Variants in SNX13 observed in about 807,000 individuals in gnomAD.
The protein encoded by SNX13 is sorting nexin-13.
In SNX13, 45 loss-of-function variants were observed where a neutral mutation model predicts 133.6. The ratio of observed to expected loss-of-function variants is 0.34; its 90% confidence interval spans 0.27 to 0.43. The LOEUF is 0.43. Among genes scored for constraint, SNX13 ranks in the 20% least tolerant of loss-of-function variants. The pLI is 1.00. For synonymous variants in SNX13, 414 were observed against 373.9 expected (o/e 1.11, Z -1.24); for missense variants, 1,032 against 1,145.1 (o/e 0.90, Z 1.43).
At chr7:17,811,631 G>A (rs1786036604) in intron 20 of SNX13, among the ~76,000 whole-genome samples, 2 of 152,096 alleles carry the variant, frequency 1.3e-5, no homozygotes, top group Non-Finnish European at 2.9e-5. Flanking sequence ...TTTCTTCACA[G>A]AATTAGAAAA....
rs552097652 is a variant in SNX13 at position 17,853,098 on chromosome 7, T to G, written c.838-2134A>C. Among the ~76,000 whole-genome samples, 16 of 152,228 alleles carry G rather than the reference T, an allele frequency of 1.1e-4. No homozygotes were observed. The South Asian group carries it at 3.3e-3, about 32-fold the overall frequency. On this transcript the variant is annotated intron_variant, in intron 9 of 25. Coordinates refer to ENST00000428135, the MANE Select transcript of SNX13 (RefSeq NM_015132.5). ...AACATAACAGGAAAAATTTAATGAT[T>G]GCAAGGCAAGAATAAGGGCACAAAT...
intron 7 of SNX13, among the ~76,000 whole-genome samples, chr7:17,875,007 A>C (rs1484701793): frequency 6.6e-6 from 1 of 151,748 alleles, no homozygotes; most frequent in Non-Finnish European, 1.5e-5. Context: ...TAGATTGATA[A>C]TTTCTTTTCT....
intron 20 of SNX13, among the ~76,000 whole-genome samples, chr7:17,812,316 C>A (rs1026606288): frequency 7.2e-5 from 11 of 152,062 alleles, no homozygotes; most frequent in Non-Finnish European, 8.8e-5. Flanking sequence ...AAAAAAACAA[C>A]CCCATCAGAA....
At chr7:17,843,201 C>A (rs1478429815) in intron 12 of SNX13, among the ~76,000 whole-genome samples, 2 of 151,562 alleles carry the variant, frequency 1.3e-5, no homozygotes, top group African/African-American at 2.4e-5. Context: ...ACTTTAGATA[C>A]AAAGACATAA....
At chr7:17,839,311 TTCTA>T (rs1270877023) in intron 13 of SNX13, among the ~76,000 whole-genome samples, 6 of 151,308 alleles carry the variant, frequency 4.0e-5, no homozygotes, top group East Asian at 3.9e-4. Flanking sequence ...CTTGATGTTT[TTCTA>T]TCTAATTGTT....
chr7:17,822,288 G>C (rs1389861913), intron 17 of SNX13, among the ~76,000 whole-genome samples: 1 of 151,320 alleles, frequency 6.6e-6, no homozygotes, highest in Non-Finnish European at 1.5e-5. Flanking sequence ...TTCCTATTTT[G>C]TACTAATCTT....
chr7:17,876,021 T>C (rs1462188250), intron 5 of SNX13, among the ~76,000 whole-genome samples: 2 of 152,238 alleles, frequency 1.3e-5, no homozygotes, highest in Non-Finnish European at 2.9e-5. Context: ...TGCCAAAGCT[T>C]AAAACTACTA....
In SNX13 at chr7:17,930,808, C is replaced by T. The variant is rs1376807641; in HGVS notation, c.12+9476G>A. Among the ~76,000 whole-genome samples the T allele has an allele frequency of 4.6e-5, 7 of 152,234 alleles. No homozygotes were observed. The South Asian group carries it at 1.0e-3, about 23-fold the overall frequency. The stretch of plus-strand genomic sequence containing the variant: ...AGTGGCGGGGAGTGGGCTTTTCCAC[C>T]TGAGCTCAGCCTCCTGTCAGATCAG... On this transcript the variant is annotated intron_variant, in intron 1 of 25. Coordinates refer to ENST00000428135, the MANE Select transcript of SNX13 (RefSeq NM_015132.5).
chr7:17,929,179 GCAT>G (rs1801114707), intron 1 of SNX13, among the ~76,000 whole-genome samples: 1 of 151,834 alleles, frequency 6.6e-6, no homozygotes, highest in Admixed American at 6.6e-5. Flanking sequence ...AATACACAAA[GCAT>G]CAGTGACAAG....
chr7:17,851,046 G>T, intron 9 of SNX13, 82 bp from the exon 10 acceptor site: 1 of 1,405,536 alleles, frequency 7.1e-7, no homozygotes, highest in Non-Finnish European at 9.6e-7. Context: ...CCTACTATGT[G>T]CTAGGACAAT....
At chr7:17,918,095 A>T (rs1161355286) in intron 1 of SNX13, among the ~76,000 whole-genome samples, 1 of 152,198 alleles carries the variant, frequency 6.6e-6, no homozygotes, top group Non-Finnish European at 1.5e-5. Context: ...AAAACTGGTT[A>T]ACCTCATACA....
intron 18 of SNX13, among the ~76,000 whole-genome samples, chr7:17,817,147 C>G (rs145730012): frequency 4.5e-4 from 69 of 152,286 alleles, no homozygotes; most frequent in African/African-American, 1.6e-3. Flanking sequence ...AAATCACAAG[C>G]ACAAAGTAAA....
At chr7:17,806,870 C>T (rs1383908055) in intron 20 of SNX13, among the ~76,000 whole-genome samples, 1 of 152,154 alleles carries the variant, frequency 6.6e-6, no homozygotes, top group Non-Finnish European at 1.5e-5. Context: ...GAACTCCTTC[C>T]CTAGCCAAGG....
intron 9 of SNX13, among the ~76,000 whole-genome samples, chr7:17,863,291 T>C (rs1307917781): frequency 2.6e-5 from 4 of 152,164 alleles, no homozygotes; most frequent in African/African-American, 9.7e-5. Flanking sequence ...TGGTGCTACA[T>C]ACACTCTTCT....
chr7:17,845,759 T>A (rs1437338984), intron 11 of SNX13, 65 bp from the exon 12 acceptor site: 16 of 1,124,940 alleles, frequency 1.4e-5, no homozygotes, highest in Non-Finnish European at 2.0e-5. Flanking sequence ...GATGTGTACA[T>A]AAATATAAGG....
At chr7:17,829,153 G>T (rs1226192227) in intron 16 of SNX13, among the ~76,000 whole-genome samples, 2 of 151,602 alleles carry the variant, frequency 1.3e-5, no homozygotes, top group East Asian at 3.9e-4. Flanking sequence ...TGGTAGTACA[G>T]CTAACACCTA....
At chr7:17,912,180 G>A (rs572712347) in intron 1 of SNX13, among the ~76,000 whole-genome samples, 26 of 152,308 alleles carry the variant, frequency 1.7e-4, no homozygotes, top group African/African-American at 6.3e-4. Context: ...GGCAGCCCCA[G>A]GGACAGCATT....
At chr7:17,854,523 A>C (rs1330529071) in intron 9 of SNX13, among the ~76,000 whole-genome samples, 3 of 152,174 alleles carry the variant, frequency 2.0e-5, no homozygotes, top group Non-Finnish European at 2.9e-5. Context: ...TCTTACCAGC[A>C]TATTTTTTCC....
chr7:17,812,687 C>T (rs1786187181), intron 20 of SNX13, among the ~76,000 whole-genome samples: 2 of 152,140 alleles, frequency 1.3e-5, no homozygotes, highest in African/African-American at 4.8e-5. Flanking sequence ...TGTAAAGACA[C>T]ATGCACACGT....
Sources: gnomAD v4.1 joint callset for allele counts (sites outside exome capture counted in the v4.1 genomes callset) on GRCh38, gnomAD v4.1.1 for gene constraint, MANE v1.5 for transcripts, NCBI Gene and HGNC (gene_info 2026-07-23, HGNC 2026-07-21) for gene names.